The following ARPP21 variants were observed in gnomAD, a reference collection of about 807,000 sequenced individuals.
The protein encoded by ARPP21 is cAMP-regulated phosphoprotein 21.
A neutral mutation model predicts 113.2 loss-of-function variants in ARPP21; 69 were observed. The ratio of observed to expected loss-of-function variants is 0.61; its 90% CI spans 0.50 to 0.74. The LOEUF (loss-of-function observed/expected upper bound fraction) is 0.74. Among genes scored for constraint, ARPP21 ranks in the 30% least tolerant of loss-of-function variants. ARPP21 has a pLI of 0.00. For synonymous variants in ARPP21, 368 were observed against 375.5 expected, an observed-to-expected ratio of 0.98 and a Z score of 0.23; for missense variants, 1,070 against 1,037.4, an observed-to-expected ratio of 1.03 and a Z score of -0.43.
intron 11 of ARPP21, among the ~76,000 whole-genome samples, chr3:35,711,674 G>C (rs1239880938): frequency 6.6e-6 from 1 of 152,130 alleles, no homozygotes; most frequent in Non-Finnish European, 1.5e-5. Context: ...CTGAAGGCTT[G>C]ATCAAGTGGT....
Position 35,679,767 on chromosome 3 carries a change from T to A in ARPP21, c.-212-20T>A, listed in dbSNP as rs1049043118. The stretch of plus-strand genomic sequence containing the variant: ...CATGATTATTGCAATTATTATTATT[T>A]ATTTTTCATCTTTTTTCAGGTTGAC... On this transcript the variant is annotated intron_variant, in intron 1 of 20. Transcript: ENST00000684406. 2 of 152,324 alleles carry A rather than the reference T, an allele frequency of 1.3e-5. No individual in the cohort carries two copies. The highest frequency in any genetic ancestry group is 2.9e-5 in the Non-Finnish European group (2 of 67,896). 9.4% of individuals were successfully genotyped at this position (152,324 alleles called of 1,614,324 possible). A position where few individuals can be genotyped will look rare whatever the true frequency, so the allele number is the denominator to read the frequency against.
At position 35,683,788 on chromosome 3, in the gene ARPP21, AC is replaced by A; in HGVS notation, c.236del (p.Pro79GlnfsTer69). ...CTGTCTGTGAGGAATCTTCTGCCAG[AC>A]CAGGAGGTGAAAGTCTTCAGGATCA... ...LAVCEESSAR[P>X]GGESLQDQES... On this transcript the variant is annotated frameshift_variant, in exon 5 of 21. Transcript: ENST00000684406. LOFTEE classifies it high-confidence loss of function. 6.5e-7 allele frequency: 1 copy of A among 1,548,008 alleles called. No individual in the cohort carries two copies. Among genetic ancestry groups the A allele is most frequent in the Non-Finnish European group, 8.9e-7 (1 of 1,121,524 alleles).
chr3:35,642,632 C>T (rs916566806), intron 1 of ARPP21, among the ~76,000 whole-genome samples: 1 of 152,222 alleles, frequency 6.6e-6, no homozygotes, highest in South Asian at 2.1e-4. Context: ...TTAATACAAG[C>T]TGTCATATTC....
At chr3:35,727,559 C>T (rs1038435313) in intron 14 of ARPP21, among the ~76,000 whole-genome samples, 1 of 152,118 alleles carries the variant, frequency 6.6e-6, no homozygotes, top group African/African-American at 2.4e-5. Flanking sequence ...AATTTAAGGG[C>T]ATATTGTAGA....
chr3:35,786,462 G>T (rs1191085399), intron 19 of ARPP21, among the ~76,000 whole-genome samples: 1 of 151,580 alleles, frequency 6.6e-6, no homozygotes, highest in Non-Finnish European at 1.5e-5. Context: ...CAGGAGGCAG[G>T]GGTTGCAGTG....
intron 11 of ARPP21, among the ~76,000 whole-genome samples, chr3:35,712,133 A>G (rs768852185): frequency 5.9e-5 from 9 of 152,178 alleles, no homozygotes; most frequent in Non-Finnish European, 1.2e-4. Context: ...CTAGTGCCCA[A>G]ATGGCTGAGG....
chr3:35,663,063 C>T (rs1177073607), intron 1 of ARPP21, among the ~76,000 whole-genome samples: 1 of 151,992 alleles, frequency 6.6e-6, no homozygotes, highest in Admixed American at 6.6e-5. Flanking sequence ...GCGATGGACA[C>T]CCTAAATACT....
chr3:35,683,821 T>A lies in ARPP21; in HGVS notation c.261+6T>A, dbSNP rs762730939. On this transcript the variant is annotated splice_donor_region_variant and intron_variant, in intron 5 of 20. Coordinates refer to ENST00000684406, the MANE Select transcript of ARPP21 (RefSeq NM_001385562.1). ...GTGAAAGTCTTCAGGATCAGGTATA[T>A]CCCCTTGCCATTATCATTAATTGCA... The A allele has an allele frequency of 7.4e-7, 1 of 1,350,476 alleles. No individual in the cohort carries two copies. Among genetic ancestry groups the A allele is most frequent in the Non-Finnish European group, 1.1e-6 (1 of 941,626 alleles). The allele number at this position is 1,350,476 out of a possible 1,614,324, so 83.7% of individuals were successfully genotyped here.
chr3:35,750,076 T>C (rs547953147), intron 19 of ARPP21, among the ~76,000 whole-genome samples: 1 of 151,806 alleles, frequency 6.6e-6, no homozygotes, highest in South Asian at 2.1e-4. Flanking sequence ...TTTATTACTT[T>C]ATTATTTTCT....
At chr3:35,660,383 C>G (rs1490640189) in intron 1 of ARPP21, among the ~76,000 whole-genome samples, 3 of 152,130 alleles carry the variant, frequency 2.0e-5, no homozygotes, top group African/African-American at 7.2e-5. Flanking sequence ...CCTCTGGGCC[C>G]CATCCTTCCA....
Position 35,717,438 on chromosome 3 carries a change from T to C in ARPP21, c.995+81T>C, listed in dbSNP as rs531461179. On this transcript the variant is annotated intron_variant, in intron 13 of 20. Transcript: ENST00000684406. Reference sequence around the variant, plus strand: ...AATGTTAAATATTAGTGTACTCGTGTAAAATATATCTGTTCATTTAAAAAA... The same window carrying C: ...AATGTTAAATATTAGTGTACTCGTGCAAAATATATCTGTTCATTTAAAAAA... 3.2e-5 allele frequency: 28 copies of C among 868,572 alleles called. No homozygotes were observed. The African/African-American group carries it at 4.5e-4, about 14-fold the overall frequency. The allele number at this position is 868,572 out of a possible 1,614,324, so 53.8% of individuals were successfully genotyped here. A position where few individuals can be genotyped will look rare whatever the true frequency, so the allele number is the denominator to read the frequency against.
intron 9 of ARPP21, among the ~76,000 whole-genome samples, chr3:35,697,625 CT>C (rs1390387003): frequency 1.3e-5 from 2 of 151,572 alleles, no homozygotes; most frequent in Non-Finnish European, 3.0e-5. Context: ...GATCATGGGA[CT>C]TTCCACTTTC....
chr3:35,655,263 A>G (rs1704307016), intron 1 of ARPP21, among the ~76,000 whole-genome samples: 2 of 152,006 alleles, frequency 1.3e-5, no homozygotes, highest in African/African-American at 4.8e-5. Flanking sequence ...ATCTACATTT[A>G]TATATGTATA....
At chr3:35,779,024 G>C (rs1055785734) in intron 19 of ARPP21, among the ~76,000 whole-genome samples, 13 of 152,132 alleles carry the variant, frequency 8.5e-5, no homozygotes, top group African/African-American at 3.1e-4. Flanking sequence ...TGAGCTGATA[G>C]TTTTAAAAGA....
At chr3:35,704,588 A>G (rs1057377517) in intron 9 of ARPP21, among the ~76,000 whole-genome samples, 13 of 151,922 alleles carry the variant, frequency 8.6e-5, no homozygotes, top group African/African-American at 3.1e-4. Flanking sequence ...CATAAATCTG[A>G]TTTTTAAAGA....
intron 1 of ARPP21, among the ~76,000 whole-genome samples, chr3:35,643,096 T>A (rs994428211): frequency 1.2e-4 from 18 of 151,910 alleles, no homozygotes; most frequent in African/African-American, 4.4e-4. Flanking sequence ...AGGTAGAAAG[T>A]GAGAATGTTC....
At position 35,729,690 on chromosome 3, in the gene ARPP21, A is replaced by C. The variant is rs565449451; in HGVS notation, c.1459+154A>C. The C allele has an allele frequency of 1.1e-4, 69 of 640,434 alleles. 1 individual carries two copies. The South Asian group carries it at 1.2e-3, about 11-fold the overall frequency. The allele number at this position is 640,434 out of a possible 1,614,324, so 39.7% of individuals were successfully genotyped here. A position where few individuals can be genotyped will look rare whatever the true frequency, so the allele number is the denominator to read the frequency against. ...TGAAGCATTTTTGTTTAGAAAGAGCAGATTTACAGCAGTATCTATAACTCT... is the reference window on the plus strand; with the variant it reads ...TGAAGCATTTTTGTTTAGAAAGAGCCGATTTACAGCAGTATCTATAACTCT... On this transcript the variant is annotated intron_variant, in intron 15 of 20. Coordinates refer to ENST00000684406, the MANE Select transcript of ARPP21 (RefSeq NM_001385562.1).
chr3:35,754,302 A>G (rs2095502484), intron 19 of ARPP21, among the ~76,000 whole-genome samples: 1 of 151,990 alleles, frequency 6.6e-6, no homozygotes, highest in Non-Finnish European at 1.5e-5. Context: ...CACTAAGAGA[A>G]GCAATGCAAA....
chr3:35,676,530 G>A (rs6779091), intron 1 of ARPP21, among the ~76,000 whole-genome samples: 15,035 of 81,104 alleles, frequency 0.19, 843 homozygotes, highest in Non-Finnish European at 0.23. Flanking sequence ...GGCAATTTTG[G>A]CATTTTCATG....
Sources: allele counts gnomAD v4.1 joint callset (sites outside exome capture counted in the v4.1 genomes callset), GRCh38; gene constraint gnomAD v4.1.1; transcripts MANE v1.5; gene names NCBI Gene and HGNC (gene_info 2026-07-23, HGNC 2026-07-21).